CC2D1A: variants seen among roughly 807,000 people sequenced by gnomAD.
CC2D1A encodes the protein coiled-coil and C2 domain containing 1A.
In CC2D1A, 68 loss-of-function variants were observed where a neutral mutation model predicts 123.8. That is an observed-to-expected ratio of 0.55 (90% CI 0.45 to 0.67). CC2D1A has a LOEUF of 0.67. Ranked by LOEUF, CC2D1A falls within the 30% of genes least tolerant of loss-of-function variation. The probability of loss-of-function intolerance (pLI) is 0.00; values close to 1 mark genes in which losing one functional copy is unlikely to be tolerated. For missense variants in CC2D1A, 1,185 were observed against 1,290.3 expected (o/e 0.92, Z 1.25); for synonymous variants, 477 against 528.0 (o/e 0.90, Z 1.32).
In CC2D1A at chr19:13,930,060, C is replaced by T. The variant is rs1377876540; in HGVS notation, c.2711-18C>T. On this transcript the variant is annotated intron_variant, in intron 26 of 28. Coordinates refer to ENST00000318003, the MANE Select transcript of CC2D1A (RefSeq NM_017721.5). This position sits in a 1 kb window ranked among gnomAD's most constrained non-coding sequence, Gnocchi z 6.8. ...AGGCCCCACCCTAAGCCTCCATTCC[C>T]CCGCCATCCATTCTCAGAATACGCA... 5 of 1,611,126 alleles carry T rather than the reference C, an allele frequency of 3.1e-6. No individual in the cohort carries two copies. Among genetic ancestry groups the T allele is most frequent in the African/African-American group, 1.3e-5 (1 of 74,836 alleles).
rs577787077 is a variant in CC2D1A, at chr19:13,928,202, C to T, written c.2519+14C>T. The T allele has an allele frequency of 7.8e-5, 126 of 1,610,608 alleles. No individual in the cohort carries two copies. In the South Asian group the frequency reaches 1.3e-3, roughly 16 times the overall value. On this transcript the variant is annotated intron_variant, in intron 24 of 28. Transcript: ENST00000318003. ...GTCAGGGAACAGGTAGGTATCTGGGCCAGGGCATGCTGGAGAAAACACCCA... is the reference window on the plus strand; with the variant it reads ...GTCAGGGAACAGGTAGGTATCTGGGTCAGGGCATGCTGGAGAAAACACCCA...
Position 13,918,211 on chromosome 19 carries a change from G to T in CC2D1A, c.873+17G>T. On this transcript the variant is annotated intron_variant, in intron 7 of 28. Coordinates refer to ENST00000318003, the MANE Select transcript of CC2D1A (RefSeq NM_017721.5). ...GTGGCTAAGGTGCGTCCAGCCTGAC[G>T]GACAGGACTGGAGGGATGGGGCAGG... The T allele has an allele frequency of 6.5e-7, 1 of 1,547,382 alleles. No individual in the cohort carries two copies. Among genetic ancestry groups the T allele is most frequent in the East Asian group, 2.4e-5 (1 of 42,522 alleles).
intron 2 of CC2D1A, among the ~76,000 whole-genome samples, chr19:13,911,548 T>G (rs1389092169): frequency 2.5e-4 from 32 of 126,808 alleles, no homozygotes; most frequent in African/African-American, 1.5e-3. Context: ...TGTGTGTGTT[T>G]TTTTTTTTTT....
At position 13,929,437 on chromosome 19, in the gene CC2D1A, C is replaced by T. The variant is rs774858858; in HGVS notation, c.2578C>T (p.Arg860Trp). Reference sequence around the variant, plus strand: ...GGCGTTTGACCAAGAGCGTCTGGAGCGGAAGGTGGGTATCCATCCTGCCGG... The same window carrying T: ...GGCGTTTGACCAAGAGCGTCTGGAGTGGAAGGTGGGTATCCATCCTGCCGG... ...VLAFDQERLERKILALRQARR... is the reference protein window; with the variant it reads ...VLAFDQERLEWKILALRQARR... Residue 860 changes from arginine to tryptophan, a missense_variant, in exon 25 of 29, where the codon CGG (arginine) becomes TGG (tryptophan). Coordinates refer to ENST00000318003, the MANE Select transcript of CC2D1A (RefSeq NM_017721.5). The T allele has an allele frequency of 4.3e-6, 7 of 1,613,274 alleles. No homozygotes were observed. In the African/African-American group the frequency reaches 5.3e-5, roughly 12 times the overall value.
chr19:13,924,354 T>C (rs1225843058), intron 17 of CC2D1A, among the ~76,000 whole-genome samples: 1 of 151,508 alleles, frequency 6.6e-6, no homozygotes, highest in Non-Finnish European at 1.5e-5. Flanking sequence ...GTATTTTTAG[T>C]AGAGACGGGA....
rs748556031 is a variant in CC2D1A, at chr19:13,919,942, G to C, written c.1347G>C (p.Val449=). Residue 449 remains valine (V), a synonymous_variant, in exon 12 of 29, where the codon GTG becomes GTC. Coordinates refer to ENST00000318003, the MANE Select transcript of CC2D1A (RefSeq NM_017721.5). ...GCCCAGAGGATGAAGAGGATGAGGT[G>C]CCTAAGAAGGTTTGAGGGTTGGGGC... ...DEGPEDEEDE[V]PKKQNSPVAP... 6.2e-7 allele frequency: 1 copy of C among 1,611,918 alleles called. No homozygotes were observed. The highest frequency in any genetic ancestry group is 1.3e-5 in the African/African-American group (1 of 74,804).
At chr19:13,908,365 C>T (rs1406516574) in intron 1 of CC2D1A, among the ~76,000 whole-genome samples, 4 of 152,116 alleles carry the variant, frequency 2.6e-5, no homozygotes, top group Admixed American at 2.6e-4. Context: ...AGGCTAGTCT[C>T]GAACTGCTGA....
Position 13,913,283 on chromosome 19 carries a change from G to A in CC2D1A, c.494G>A (p.Arg165His), listed in dbSNP as rs780507381. 23 of 1,613,002 alleles carry A rather than the reference G, an allele frequency of 1.4e-5. No individual in the cohort carries two copies. The highest frequency in any genetic ancestry group is 2.2e-5 in the East Asian group (1 of 44,876). Residue 165 changes from arginine to histidine, a missense_variant, in exon 5 of 29, where the codon CGC becomes CAC. Coordinates refer to ENST00000318003, the MANE Select transcript of CC2D1A (RefSeq NM_017721.5). ...GCTGGAGACAGCGCCAAGATGCGGC[G>A]CTACGATCGGGGGCTTAAAGTAAGT... ...RQAGDSAKMR[R>H]YDRGLKTLEN...
intron 1 of CC2D1A, 159 bp from the exon 2 acceptor site, chr19:13,909,664 C>T: frequency 1.1e-6 from 1 of 917,050 alleles, no homozygotes; most frequent in Middle Eastern, 2.2e-4. Flanking sequence ...CTTGGAACAC[C>T]TGTTCTGGGC....
intron 26 of CC2D1A, 136 bp from the exon 27 acceptor site, chr19:13,929,942 G>A (rs1457093059): frequency 4.8e-6 from 3 of 619,420 alleles, no homozygotes; most frequent in Non-Finnish European, 8.4e-6. Flanking sequence ...GGGGCTCGGG[G>A]ATGGGCACCT....
chr19:13,920,705 T>G, intron 13 of CC2D1A, 37 bp downstream of exon 13: 1 of 1,611,392 alleles, frequency 6.2e-7, no homozygotes, highest in Non-Finnish European at 8.5e-7. Context: ...GCCTGTTGCC[T>G]GGCTGTGGCC....
In CC2D1A at chr19:13,925,987, T is replaced by C. The variant is rs190102062; in HGVS notation, c.1941-530T>C. Reference sequence around the variant, plus strand: ...ACGTATATATATGTGTATATATATATACATATATGTGTGTATATATATATA... The same window carrying C: ...ACGTATATATATGTGTATATATATACACATATATGTGTGTATATATATATA... On this transcript the variant is annotated intron_variant, in intron 17 of 28. Transcript: ENST00000318003. 2.7e-3 allele frequency among the ~76,000 whole-genome samples: 332 copies of C among 120,842 alleles called. 12 individuals carry two copies. Among genetic ancestry groups the C allele is most frequent in the African/African-American group, 0.012 (289 of 24,980 alleles). 79.3% of individuals were successfully genotyped at this position (120,842 alleles called of 152,430 possible). A position where few individuals can be genotyped will look rare whatever the true frequency, so the allele number is the denominator to read the frequency against.
At chr19:13,911,739 G>A (rs1413470951) in intron 2 of CC2D1A, among the ~76,000 whole-genome samples, 2 of 135,404 alleles carry the variant, frequency 1.5e-5, no homozygotes, top group East Asian at 2.1e-4. Context: ...TTTTTGAGAC[G>A]GAGTCTCGCT....
At chr19:13,918,039 G>C in intron 6 of CC2D1A, 31 bp from the exon 7 acceptor site, 1 of 1,611,220 alleles carries the variant, frequency 6.2e-7, no homozygotes, top group Non-Finnish European at 8.5e-7. Context: ...CCAGGCCCTG[G>C]AGGCTTCCTG....
rs1433192585 is a variant in CC2D1A at position 13,919,029 on chromosome 19, A to G, written c.1136A>G (p.Glu379Gly). 2.5e-6 allele frequency: 4 copies of G among 1,607,560 alleles called. No homozygotes were observed. Among genetic ancestry groups the G allele is most frequent in the East Asian group, 2.2e-5 (1 of 44,618 alleles). ...GACCAGCGGAAAGCTCGAATGCACG[A>G]GCGCATCGTCAAGGTGCCCTGGGGG... ...KGDQRKARMH[E>G]RIVKQYQDAI... Residue 379 changes from glutamate (E) to glycine (G), a missense_variant, in exon 10 of 29, where the codon GAG becomes GGG. Physicochemically the swap from Glu to Gly is moderately conservative, Grantham distance 98. Coordinates refer to ENST00000318003, the MANE Select transcript of CC2D1A (RefSeq NM_017721.5).
chr19:13,928,244 C>G, intron 24 of CC2D1A, 56 bp downstream of exon 24: 1 of 1,481,862 alleles, frequency 6.7e-7, no homozygotes, highest in Non-Finnish European at 9.3e-7. Context: ...CTCTCAGCCC[C>G]ACCTGGACAG....
Position 13,906,985 on chromosome 19 carries a change from T to TA in CC2D1A, c.60+485dup. Among the ~76,000 whole-genome samples the TA allele has an allele frequency of 6.6e-6, 1 of 152,244 alleles. No homozygotes were observed. The highest frequency in any genetic ancestry group is 1.9e-4 in the East Asian group (1 of 5,184). On this transcript the variant is annotated intron_variant, in intron 1 of 28. Transcript: ENST00000318003. The surrounding 1 kb of genome is among the most constrained non-coding windows in gnomAD (Gnocchi z 4.1). ...CGACTTCTTTGCCCCAGGCACCAGA[T>TA]AGTTTGATTTTTCTCAGTTTTGATG...
chr19:13,916,909 T>C (rs914161863), intron 6 of CC2D1A, among the ~76,000 whole-genome samples: 1 of 152,218 alleles, frequency 6.6e-6, no homozygotes, highest in Non-Finnish European at 1.5e-5. Flanking sequence ...GCTTTAAACA[T>C]TGAGGTACTT....
At chr19:13,907,717 A>T (rs532206978) in intron 1 of CC2D1A, among the ~76,000 whole-genome samples, 250 of 152,220 alleles carry the variant, frequency 1.6e-3, no homozygotes, top group Non-Finnish European at 3.0e-3. Flanking sequence ...AATAAATAAA[A>T]AATTAAAAAT....
Sources: allele counts gnomAD v4.1 joint callset (sites outside exome capture counted in the v4.1 genomes callset), GRCh38; gene constraint gnomAD v4.1.1; non-coding constraint Gnocchi (gnomAD v3.1); transcripts MANE v1.5; gene names NCBI Gene and HGNC (gene_info 2026-07-23, HGNC 2026-07-21).